SNTG1: variants seen among roughly 807,000 people sequenced by gnomAD.
SNTG1 encodes the protein syntrophin gamma 1, also known as gamma-1-syntrophin.
A neutral mutation model predicts 74.7 loss-of-function variants in SNTG1; 39 were observed. The observed-to-expected ratio is 0.52, with a 90% CI of 0.40 to 0.68. The LOEUF is 0.68. SNTG1 is among the 30% of genes least tolerant of loss of function. The pLI, the probability that SNTG1 is intolerant of heterozygous loss-of-function variation, is 0.00. For synonymous variants in SNTG1, 254 were observed against 217.1 expected (o/e 1.17, Z -1.49); for missense variants, 685 against 609.5 (o/e 1.12, Z -1.30).
chr8:49,997,038 A>T (rs1023979), intron 1 of SNTG1, among the ~76,000 whole-genome samples: 119,270 of 152,066 alleles, frequency 0.78, 46,912 homozygotes, highest in East Asian at 0.84. Context: ...GCTTTTTAAA[A>T]GGGAGCCTTC....
chr8:50,247,251 G>A (rs1442606916), intron 2 of SNTG1, among the ~76,000 whole-genome samples: 1 of 152,020 alleles, frequency 6.6e-6, no homozygotes, highest in African/African-American at 2.4e-5. Flanking sequence ...CTCACAAACT[G>A]CTTATTTCTT....
chr8:50,361,427 T>C (rs1423409709), intron 2 of SNTG1, among the ~76,000 whole-genome samples: 1 of 152,230 alleles, frequency 6.6e-6, no homozygotes, highest in Non-Finnish European at 1.5e-5. Flanking sequence ...GACTTGTTTA[T>C]AAACAGGTAA....
chr8:50,573,703 C>T (rs1426156738), intron 12 of SNTG1, among the ~76,000 whole-genome samples: 3 of 151,708 alleles, frequency 2.0e-5, no homozygotes, highest in Admixed American at 6.6e-5. Flanking sequence ...TATATGCATT[C>T]CATAACTTTA....
rs192508775 is a variant in SNTG1, at chr8:50,189,946, G to A, written c.-28+17311G>A. On this transcript the variant is annotated intron_variant, in intron 2 of 18. Coordinates refer to ENST00000642720, the MANE Select transcript of SNTG1 (RefSeq NM_018967.5). ...CTAAGTTAATTCTTCTCTAGAACAC[G>A]TTTGAGTGAAGATTATTTTGTGAAC... Among the ~76,000 whole-genome samples, 284 of 152,166 alleles carry A rather than the reference G, an allele frequency of 1.9e-3. 2 individuals carry two copies. The highest frequency in any genetic ancestry group is 6.0e-3 in the African/African-American group (250 of 41,514).
At chr8:50,110,941 G>T (rs203623) in intron 1 of SNTG1, among the ~76,000 whole-genome samples, 2 of 151,992 alleles carry the variant, frequency 1.3e-5, no homozygotes, top group Middle Eastern at 6.8e-3. Flanking sequence ...ATCTAGGTAT[G>T]TCCTAAACAA....
intron 1 of SNTG1, among the ~76,000 whole-genome samples, chr8:49,959,671 C>T (rs1810505494): frequency 6.6e-6 from 1 of 152,180 alleles, no homozygotes; most frequent in Non-Finnish European, 1.5e-5. Context: ...TATGGAAATG[C>T]CACATTTTGT....
At chr8:50,738,427 A>G (rs1480147066) in intron 17 of SNTG1, among the ~76,000 whole-genome samples, 2 of 152,190 alleles carry the variant, frequency 1.3e-5, no homozygotes, top group Non-Finnish European at 2.9e-5. Flanking sequence ...AACAAATGGA[A>G]AAACATCCAT....
At chr8:50,503,296 T>C (rs1426543148) in intron 9 of SNTG1, among the ~76,000 whole-genome samples, 2 of 152,228 alleles carry the variant, frequency 1.3e-5, no homozygotes, top group Non-Finnish European at 2.9e-5. Context: ...GGGAATGTAC[T>C]AATTTACATA....
intron 3 of SNTG1, among the ~76,000 whole-genome samples, chr8:50,395,801 G>T (rs2092721861): frequency 6.6e-6 from 1 of 152,164 alleles, no homozygotes; most frequent in Non-Finnish European, 1.5e-5. Flanking sequence ...GTGAGCCACT[G>T]TGCCCGGCCC....
chr8:50,500,551 T>A (rs561731367), intron 8 of SNTG1, among the ~76,000 whole-genome samples: 55 of 152,302 alleles, frequency 3.6e-4, no homozygotes, highest in South Asian at 1.2e-3. Context: ...GTAGATTATT[T>A]CTTCCCTTTA....
intron 8 of SNTG1, among the ~76,000 whole-genome samples, chr8:50,469,276 T>C (rs1396165426): frequency 6.6e-6 from 1 of 152,184 alleles, no homozygotes; most frequent in South Asian, 2.1e-4. Flanking sequence ...GTGTCGTTTT[T>C]GTTTTCAGCA....
chr8:50,441,409 G>A (rs920141412), intron 5 of SNTG1, among the ~76,000 whole-genome samples: 1 of 152,122 alleles, frequency 6.6e-6, no homozygotes, highest in Non-Finnish European at 1.5e-5. Context: ...TGGAGGTTGA[G>A]GCAGTTCAGT....
intron 1 of SNTG1, among the ~76,000 whole-genome samples, chr8:50,128,004 G>A (rs1303798921): frequency 6.6e-6 from 1 of 152,080 alleles, no homozygotes; most frequent in Non-Finnish European, 1.5e-5. Flanking sequence ...ATTGGGGAGA[G>A]AGTCTAAAAA....
intron 2 of SNTG1, among the ~76,000 whole-genome samples, chr8:50,290,167 C>T (rs767896113): frequency 6.6e-6 from 1 of 152,138 alleles, no homozygotes; most frequent in Non-Finnish European, 1.5e-5. Context: ...TTCCTTCAGC[C>T]TCATGTTTCT....
At chr8:50,540,492 G>A (rs190175545) in intron 11 of SNTG1, among the ~76,000 whole-genome samples, 4 of 152,132 alleles carry the variant, frequency 2.6e-5, no homozygotes, top group East Asian at 1.9e-4. Flanking sequence ...TGTGTTGTAC[G>A]TATTTCAATT....
intron 1 of SNTG1, among the ~76,000 whole-genome samples, chr8:49,928,166 A>AATAAATAC (rs1273643367): frequency 1.3e-5 from 2 of 148,836 alleles, no homozygotes; most frequent in African/African-American, 4.9e-5. Context: ...TAAATAAATA[A>AATAAATAC]ATAAATAAAT....
chr8:49,929,669 C>T (rs149337062), intron 1 of SNTG1, among the ~76,000 whole-genome samples: 339 of 152,170 alleles, frequency 2.2e-3, no homozygotes, highest in Non-Finnish European at 3.9e-3. Context: ...CCCTGAATCA[C>T]GGATTTATGG....
chr8:50,209,103 C>T (rs1279629748), intron 2 of SNTG1, among the ~76,000 whole-genome samples: 2 of 152,168 alleles, frequency 1.3e-5, no homozygotes, highest in Non-Finnish European at 2.9e-5. Context: ...GGGTCCCACA[C>T]CCATGGAGCC....
At chr8:49,943,557 G>A (rs1808889358) in intron 1 of SNTG1, among the ~76,000 whole-genome samples, 1 of 152,202 alleles carries the variant, frequency 6.6e-6, no homozygotes, top group South Asian at 2.1e-4. Context: ...TTGTCTGAAG[G>A]CTTGAGAAAA....
Sources: allele counts gnomAD v4.1 joint callset (sites outside exome capture counted in the v4.1 genomes callset), GRCh38; gene constraint gnomAD v4.1.1; transcripts MANE v1.5; gene names NCBI Gene and HGNC (gene_info 2026-07-23, HGNC 2026-07-21).